KIAA1217: variants seen among roughly 807,000 people sequenced by gnomAD.
KIAA1217 encodes the protein KIAA1217.
KIAA1217 carries 88 observed loss-of-function variants against 163.9 expected under a neutral mutation model. The ratio of observed to expected loss-of-function variants is 0.54; its 90% CI spans 0.45 to 0.64. The LOEUF is 0.64. KIAA1217 is among the 30% of genes least tolerant of loss of function. The probability of loss-of-function intolerance (pLI) is 0.00; values close to 1 mark genes in which losing one functional copy is unlikely to be tolerated. For synonymous variants in KIAA1217, 903 were observed against 923.1 expected (o/e 0.98, Z 0.39); for missense variants, 2,372 against 2,475.0 (o/e 0.96, Z 0.88).
chr10:24,091,131 G>A (rs980677332), intron 2 of KIAA1217, among the ~76,000 whole-genome samples: 8 of 151,808 alleles, frequency 5.3e-5, no homozygotes, highest in South Asian at 2.1e-4. Context: ...TTTTTAAGGC[G>A]TTAAATCTGA....
chr10:24,079,754 C>T (rs1019283698), intron 2 of KIAA1217, among the ~76,000 whole-genome samples: 2 of 152,066 alleles, frequency 1.3e-5, no homozygotes, highest in African/African-American at 4.8e-5. Context: ...CACACGTCTG[C>T]ATCCCCATCA....
chr10:24,471,886 C>CAAAAAAAA (rs749624402), intron 5 of KIAA1217, among the ~76,000 whole-genome samples: 1 of 46,916 alleles, frequency 2.1e-5, no homozygotes. Context: ...GACTCCATCT[C>CAAAAAAAA]AAAAAAAAAA....
At chr10:24,329,780 G>A (rs932886439) in intron 2 of KIAA1217, among the ~76,000 whole-genome samples, 1 of 152,154 alleles carries the variant, frequency 6.6e-6, no homozygotes, top group Non-Finnish European at 1.5e-5. Flanking sequence ...TTCGTAGACT[G>A]CCATTGGGAA....
intron 2 of KIAA1217, among the ~76,000 whole-genome samples, chr10:24,021,218 C>T (rs1007119559): frequency 6.6e-6 from 1 of 151,586 alleles, no homozygotes; most frequent in Non-Finnish European, 1.5e-5. Context: ...GCAACAGTAA[C>T]AAAAAATACT....
At chr10:24,078,547 T>C (rs1047463620) in intron 2 of KIAA1217, among the ~76,000 whole-genome samples, 2 of 152,230 alleles carry the variant, frequency 1.3e-5, no homozygotes, top group African/African-American at 2.4e-5. Flanking sequence ...GGGCAAATAC[T>C]TGGGCCCTAA....
Position 24,524,743 on chromosome 10 carries a change from GA to G in KIAA1217, c.2879del (p.Asn960ThrfsTer32). On this transcript the variant is annotated frameshift_variant, in exon 13 of 21. Coordinates refer to ENST00000376454, the MANE Select transcript of KIAA1217 (RefSeq NM_019590.5). LOFTEE classifies it high-confidence loss of function. ...AAGAAATCCACAGTGTGAGTGCCAA[GA>G]ACAGGGCAGTGTCTATCGAGGTAGA... is the stretch of plus-strand genomic sequence containing the variant. ...IEEIHSVSAK[N>X]RAVSIEKAEK... The G allele has an allele frequency of 6.2e-7, 1 of 1,601,100 alleles. No individual in the cohort carries two copies. The highest frequency in any genetic ancestry group is 8.5e-7 in the Non-Finnish European group (1 of 1,170,354).
chr10:23,706,900 T>C (rs1360134132), intron 1 of KIAA1217, among the ~76,000 whole-genome samples: 2 of 151,586 alleles, frequency 1.3e-5, no homozygotes, highest in South Asian at 4.2e-4. Flanking sequence ...CTAAATAGAT[T>C]CTATAGTGGG....
At chr10:24,474,135 A>T in intron 6 of KIAA1217, 75 bp downstream of exon 6, 1 of 1,072,928 alleles carries the variant, frequency 9.3e-7, no homozygotes, top group African/African-American at 1.6e-5. Context: ...CAGGGGTCAA[A>T]CCGACAGAAT....
At chr10:24,108,424 T>C (rs1243381556) in intron 2 of KIAA1217, among the ~76,000 whole-genome samples, 2 of 152,238 alleles carry the variant, frequency 1.3e-5, no homozygotes, top group East Asian at 1.9e-4. Context: ...AATGTGGTAC[T>C]TGCAGTTTTA....
intron 1 of KIAA1217, among the ~76,000 whole-genome samples, chr10:23,839,647 G>A (rs1449165365): frequency 6.6e-6 from 1 of 152,160 alleles, no homozygotes; most frequent in Non-Finnish European, 1.5e-5. Context: ...TCTGTGTGAA[G>A]AGGAATTTAT....
At chr10:23,763,606 G>T (rs1834371049) in intron 1 of KIAA1217, among the ~76,000 whole-genome samples, 1 of 152,108 alleles carries the variant, frequency 6.6e-6, no homozygotes. Context: ...ACTGAAGATG[G>T]ATTAAAGACT....
At chr10:24,003,230 A>C (rs917513230) in intron 1 of KIAA1217, among the ~76,000 whole-genome samples, 42 of 152,170 alleles carry the variant, frequency 2.8e-4, no homozygotes, top group African/African-American at 9.4e-4. Context: ...GGGAACCTAC[A>C]CACCGTTTTC....
At position 23,790,719 on chromosome 10, in the gene KIAA1217, G is replaced by A. The variant is rs919911827; in HGVS notation, c.-321+95485G>A. Among the ~76,000 whole-genome samples the A allele has an allele frequency of 2.0e-5, 3 of 146,678 alleles. 1 individual carries two copies. The highest frequency in any genetic ancestry group is 2.1e-4 in the South Asian group (1 of 4,710). ...TATACACACACATATATATATGTATGTATGTATGTATGTATGTATGTATGT... is the reference window on the plus strand; with the variant it reads ...TATACACACACATATATATATGTATATATGTATGTATGTATGTATGTATGT... On this transcript the variant is annotated intron_variant, in intron 1 of 18. Coordinates refer to the KIAA1217 transcript ENST00000376462.
intron 1 of KIAA1217, among the ~76,000 whole-genome samples, chr10:23,758,471 A>G (rs1410700277): frequency 6.6e-6 from 1 of 152,158 alleles, no homozygotes; most frequent in East Asian, 1.9e-4. Context: ...GCCAGTTTTG[A>G]AATCAGCAAG....
chr10:24,525,215 C>T (rs1428544214), intron 13 of KIAA1217, among the ~76,000 whole-genome samples: 1 of 152,152 alleles, frequency 6.6e-6, no homozygotes, highest in African/African-American at 2.4e-5. Flanking sequence ...AGAAATGTAA[C>T]AATCAGCTCT....
intron 5 of KIAA1217, among the ~76,000 whole-genome samples, chr10:24,467,665 A>G (rs1237015536): frequency 6.6e-6 from 1 of 152,196 alleles, no homozygotes; most frequent in Non-Finnish European, 1.5e-5. Flanking sequence ...AAAAAGTGTC[A>G]ATGGTACAAC....
intron 2 of KIAA1217, among the ~76,000 whole-genome samples, chr10:24,229,456 T>C (rs2071062589): frequency 6.6e-6 from 1 of 152,216 alleles, no homozygotes; most frequent in Non-Finnish European, 1.5e-5. Context: ...AGCTACTTAG[T>C]TGTGTGAACT....
chr10:23,707,785 T>C (rs942006689), intron 1 of KIAA1217, among the ~76,000 whole-genome samples: 5 of 152,116 alleles, frequency 3.3e-5, no homozygotes, highest in Non-Finnish European at 5.9e-5. Flanking sequence ...GATTCACCAG[T>C]TTTATTTTGG....
intron 14 of KIAA1217, among the ~76,000 whole-genome samples, chr10:24,531,187 A>G (rs1241604631): frequency 1.3e-5 from 2 of 152,210 alleles, no homozygotes; most frequent in Non-Finnish European, 1.5e-5. Context: ...AGTGAGTGAC[A>G]GTGAGACCCT....
Sources: gnomAD v4.1 joint callset for allele counts (sites outside exome capture counted in the v4.1 genomes callset) on GRCh38, gnomAD v4.1.1 for gene constraint, MANE v1.5 for transcripts, NCBI Gene and HGNC (gene_info 2026-07-23, HGNC 2026-07-21) for gene names.